The following OSBPL9 variants were observed in gnomAD, a reference collection of about 807,000 sequenced individuals.
OSBPL9 encodes the protein oxysterol-binding protein-related protein 9.
In OSBPL9, 40 loss-of-function variants were observed where a neutral mutation model predicts 106.6. The observed-to-expected ratio is 0.38, with a 90% CI of 0.29 to 0.49. OSBPL9 has a LOEUF of 0.49. Among genes scored for constraint, OSBPL9 ranks in the 20% least tolerant of loss-of-function variants. The probability of loss-of-function intolerance (pLI) is 0.97; values close to 1 mark genes in which losing one functional copy is unlikely to be tolerated. For missense variants in OSBPL9, 609 were observed against 887.2 expected, an observed-to-expected ratio of 0.69 and a Z score of 3.98; for synonymous variants, 269 against 295.4, an observed-to-expected ratio of 0.91 and a Z score of 0.92.
chr1:51,519,405 T>C, the OSBPL9 span: 48 of 207,642 alleles, frequency 2.3e-4, no homozygotes, highest in Admixed American at 7.8e-4. Context: ...CCCGCCCGCC[T>C]GCCCGCCCGC....
the OSBPL9 span, among the ~76,000 whole-genome samples, chr1:51,534,210 A>T: frequency 6.6e-6 from 1 of 152,008 alleles, no homozygotes; most frequent in Non-Finnish European, 1.5e-5. Context: ...TCTCAAAAAA[A>T]AAAAAATGCT....
intron 20 of OSBPL9, 134 bp downstream of exon 20, chr1:51,784,716 C>G (rs969927239): frequency 6.5e-6 from 7 of 1,081,058 alleles, no homozygotes; most frequent in Non-Finnish European, 9.2e-6. Context: ...TTTTATGTGT[C>G]ATGTCTTTTG....
At chr1:51,655,747 T>A (rs1002281234) in intron 2 of OSBPL9, among the ~76,000 whole-genome samples, 1 of 152,168 alleles carries the variant, frequency 6.6e-6, no homozygotes, top group African/African-American at 2.4e-5. Flanking sequence ...CTTTGTTGAG[T>A]GGAAAAGGGA....
intron 9 of OSBPL9, among the ~76,000 whole-genome samples, chr1:51,758,786 G>A (rs1670903529): frequency 6.6e-6 from 1 of 152,134 alleles, no homozygotes; most frequent in African/African-American, 2.4e-5. Flanking sequence ...CGTTAATGGT[G>A]GAATTTTGTC....
At chr1:51,711,909 G>A (rs1571255370) in intron 3 of OSBPL9, among the ~76,000 whole-genome samples, 1 of 151,996 alleles carries the variant, frequency 6.6e-6, no homozygotes, top group East Asian at 2.0e-4. Context: ...GCCGGGCAGA[G>A]ATGCTCCTCA....
At chr1:51,616,909 C>A, upstream of OSBPL9, 1 of 855,608 alleles carries the variant, frequency 1.2e-6, no homozygotes, top group Non-Finnish European at 1.7e-6. Context: ...TTCACGTTTG[C>A]ATTCTCGCAT....
At position 51,633,602 on chromosome 1, in the gene OSBPL9, T is replaced by TAAATAAAATA. The variant is rs140884503; in HGVS notation, c.111+16406_111+16415dup. Among the ~76,000 whole-genome samples the TAAATAAAATA allele has an allele frequency of 1.3e-3, 197 of 149,504 alleles. 1 individual carries two copies. Among genetic ancestry groups the TAAATAAAATA allele is most frequent in the African/African-American group, 4.2e-3 (168 of 40,328 alleles). ...CAAGACCCTGTCTCAAAAAATAAAGTAAATAAAATAAAATAAAATAAAATA... is the reference window on the plus strand; with the variant it reads ...CAAGACCCTGTCTCAAAAAATAAAGTAAATAAAATAAAATAAAATAAAATAAAATAAAATA... On this transcript the variant is annotated intron_variant, in intron 1 of 23. Coordinates refer to ENST00000428468, the MANE Select transcript of OSBPL9 (RefSeq NM_024586.6).
At chr1:51,538,959 A>G in the OSBPL9 span, among the ~76,000 whole-genome samples, 12 of 152,156 alleles carry the variant, frequency 7.9e-5, no homozygotes, top group South Asian at 1.0e-3. Context: ...CTCTTTGTCT[A>G]TTCCACCACC....
chr1:51,760,534 T>C (rs1394610194), intron 9 of OSBPL9, 156 bp from the exon 10 acceptor site: 3 of 1,029,090 alleles, frequency 2.9e-6, no homozygotes, highest in Non-Finnish European at 4.1e-6. Flanking sequence ...CTTACACTTC[T>C]GTATAGAAAA....
chr1:51,617,503 G>T (rs148021200), intron 1 of OSBPL9, among the ~76,000 whole-genome samples: 1 of 152,310 alleles, frequency 6.6e-6, no homozygotes, highest in African/African-American at 2.4e-5. Context: ...GTGGGGTCCA[G>T]CATGGTTGTG....
At chr1:51,587,046 C>T (rs1202756485) in intron 1 of OSBPL9, among the ~76,000 whole-genome samples, 1 of 152,136 alleles carries the variant, frequency 6.6e-6, no homozygotes, top group African/African-American at 2.4e-5. Flanking sequence ...ACATTCACAC[C>T]CTAGGCCTTG....
intron 4 of OSBPL9, among the ~76,000 whole-genome samples, chr1:51,721,140 A>AT (rs77240407): frequency 0.03 from 4,233 of 140,486 alleles, 143 homozygotes; most frequent in African/African-American, 0.082. Context: ...TTTTATGTTA[A>AT]TTTTTTTTTT....
At chr1:51,717,756 T>C (rs1011213854) in intron 4 of OSBPL9, among the ~76,000 whole-genome samples, 20 of 152,012 alleles carry the variant, frequency 1.3e-4, no homozygotes, top group African/African-American at 4.8e-4. Context: ...CATACACTAT[T>C]AGTAGGAATG....
At position 51,781,149 on chromosome 1, in the gene OSBPL9, C is replaced by G; in HGVS notation, c.1257-15C>G. 2 of 1,612,230 alleles carry G rather than the reference C, an allele frequency of 1.2e-6. No individual in the cohort carries two copies. Among genetic ancestry groups the G allele is most frequent in the Non-Finnish European group, 1.7e-6 (2 of 1,178,564 alleles). Reference sequence around the variant, plus strand: ...CAGAAAGCAGGACATTAAATTTTGTCTTTCTCCCTTGCAGCATTAGTGACC... The same window carrying G: ...CAGAAAGCAGGACATTAAATTTTGTGTTTCTCCCTTGCAGCATTAGTGACC... On this transcript the variant is annotated splice_polypyrimidine_tract_variant and intron_variant, in intron 15 of 23. Transcript: ENST00000428468.
chr1:51,551,771 T>C, the OSBPL9 span, among the ~76,000 whole-genome samples: 1 of 151,754 alleles, frequency 6.6e-6, no homozygotes, highest in African/African-American at 2.4e-5. Context: ...TTTTGTATTT[T>C]TCATAGGGAT....
chr1:51,656,542 C>A (rs968215980), intron 2 of OSBPL9, among the ~76,000 whole-genome samples: 6 of 152,034 alleles, frequency 3.9e-5, no homozygotes, highest in African/African-American at 1.4e-4. Context: ...AGAGACTTTT[C>A]AAATGTTACC....
At chr1:51,546,091 A>G in the OSBPL9 span, among the ~76,000 whole-genome samples, 2 of 152,016 alleles carry the variant, frequency 1.3e-5, no homozygotes, top group African/African-American at 4.8e-5. Flanking sequence ...ATCTCAGCTC[A>G]CTGCAGCCTC....
rs149200086 is a variant in OSBPL9 at position 51,738,987 on chromosome 1, A to T, written c.319-6549A>T. On this transcript the variant is annotated intron_variant, in intron 4 of 23. Transcript: ENST00000428468. ...CTCCAGTAACCTTGAGTAGTTTATTATTATACTCATGGATGAGAAAATGTA... is the reference window on the plus strand; with the variant it reads ...CTCCAGTAACCTTGAGTAGTTTATTTTTATACTCATGGATGAGAAAATGTA... 1.6e-3 allele frequency among the ~76,000 whole-genome samples: 248 copies of T among 152,094 alleles called. 2 individuals are homozygous for T. Among genetic ancestry groups the T allele is most frequent in the Non-Finnish European group, 2.8e-3 (190 of 67,854 alleles).
the OSBPL9 span, chr1:51,519,051 C>A: frequency 2.9e-5 from 13 of 451,294 alleles, no homozygotes; most frequent in Non-Finnish European, 4.4e-5. Flanking sequence ...CGCAGTCGCA[C>A]CCGCTTTCCC....
Sources: gnomAD v4.1 joint callset for allele counts (sites outside exome capture counted in the v4.1 genomes callset) on GRCh38, gnomAD v4.1.1 for gene constraint, MANE v1.5 for transcripts, NCBI Gene and HGNC (gene_info 2026-07-23, HGNC 2026-07-21) for gene names.